SLC5A11: variants seen among roughly 807,000 people sequenced by gnomAD.
SLC5A11 encodes the protein sodium/myo-inositol cotransporter 2.
In SLC5A11, 48 loss-of-function variants were observed where a neutral mutation model predicts 69.8. That is an observed-to-expected ratio of 0.69 (90% CI 0.55 to 0.87). The LOEUF (loss-of-function observed/expected upper bound fraction) is 0.87. Among genes scored for constraint, SLC5A11 ranks in the 40% least tolerant of loss-of-function variants. The probability of loss-of-function intolerance (pLI) is 0.00; values close to 1 mark genes in which losing one functional copy is unlikely to be tolerated. For missense variants in SLC5A11, 784 were observed against 866.1 expected (o/e 0.91, Z 1.19); for synonymous variants, 319 against 342.4 (o/e 0.93, Z 0.75).
rs777418349 is a variant in SLC5A11 at position 24,906,780 on chromosome 16, T to A, written c.1114+16T>A. 1.9e-6 allele frequency: 3 copies of A among 1,599,136 alleles called. No homozygotes were observed. The highest frequency in any genetic ancestry group is 1.7e-6 in the Non-Finnish European group (2 of 1,169,790). On this transcript the variant is annotated intron_variant, in intron 11 of 15. Coordinates refer to ENST00000347898, the Ensembl canonical transcript of SLC5A11. ...CTGCCCACAGGTAATGTCCCTTCAC[T>A]CCTGAATCAAGTCCCCTGGAGCACC...
rs1358280636 is a variant in SLC5A11, at chr16:24,873,238, AGAGG to A, written c.372+1028_372+1031del. ...GGAAGAGAGAAAGGAAGGAATGGAG[AGAGG>A]GAGGGAGGAAGGAAGGAAGGAAGGA... On this transcript the variant is annotated intron_variant, in intron 5 of 15. Coordinates refer to ENST00000347898, the Ensembl canonical transcript of SLC5A11. 5.2e-4 allele frequency among the ~76,000 whole-genome samples: 54 copies of A among 103,832 alleles called. 1 individual carries two copies. Among genetic ancestry groups the A allele is most frequent in the African/African-American group, 1.6e-3 (43 of 26,480 alleles). 68.1% of individuals were successfully genotyped at this position (103,832 alleles called of 152,430 possible).
intron 1 of SLC5A11, among the ~76,000 whole-genome samples, chr16:24,846,944 TCTAA>T (rs1027355032): frequency 1.3e-5 from 2 of 152,184 alleles, no homozygotes; most frequent in African/African-American, 4.8e-5. Context: ...CTGGATCTCA[TCTAA>T]CTGACACAGA....
intron 3 of SLC5A11, among the ~76,000 whole-genome samples, chr16:24,864,916 C>T (rs1035677852): frequency 6.7e-6 from 1 of 150,048 alleles, no homozygotes; most frequent in African/African-American, 2.5e-5. Flanking sequence ...AAAAATGAAT[C>T]TGTGAAATTG....
At chr16:24,863,016 GT>G (rs1294346943) in intron 3 of SLC5A11, among the ~76,000 whole-genome samples, 2 of 126,204 alleles carry the variant, frequency 1.6e-5, no homozygotes, top group African/African-American at 5.9e-5. Context: ...GTAATATATA[GT>G]TATATAATAT....
intron 3 of SLC5A11, among the ~76,000 whole-genome samples, chr16:24,863,047 AAT>A (rs145598865): frequency 0.14 from 20,140 of 141,768 alleles, 1,933 homozygotes; most frequent in Non-Finnish European, 0.21. Context: ...ATATTTATGT[AAT>A]ATATAGTTAT....
At chr16:24,906,873 GA>G (rs1459805282) in intron 11 of SLC5A11, 109 bp downstream of exon 12, 11 of 1,384,696 alleles carry the variant, frequency 7.9e-6, no homozygotes, top group Non-Finnish European at 1.1e-5. Context: ...GGTGGGGGAG[GA>G]AGACTCTGGG....
chr16:24,884,312 G>T (rs2048250353), intron 8 of SLC5A11, among the ~76,000 whole-genome samples, 181 bp downstream of exon 9: 1 of 152,060 alleles, frequency 6.6e-6, no homozygotes, highest in East Asian at 1.9e-4. Flanking sequence ...TGTGCTTATT[G>T]TGGAAACTTA....
chr16:24,876,991 G>T (rs2047716888), intron 6 of SLC5A11: 2 of 991,024 alleles, frequency 2.0e-6, no homozygotes, highest in Middle Eastern at 3.8e-4. Context: ...TTTAATGAAG[G>T]TTGCAGTGTG....
At chr16:24,911,232 T>C in intron 15 of SLC5A11, 96 bp from the exon 17 acceptor site, 1 of 999,326 alleles carries the variant, frequency 1.0e-6, no homozygotes, top group South Asian at 1.3e-5. Context: ...ACGCCTGTAA[T>C]CCCAGCACTT....
At position 24,870,555 on chromosome 16, in the gene SLC5A11, G is replaced by A. The variant is rs187443341; in HGVS notation, c.312+550G>A. ...AGCACTTTGGGAGGCCAAGGTGGGC[G>A]GATCTTTTGAGGTCAGGAGTTTGAG... is the stretch of plus-strand genomic sequence containing the variant. On this transcript the variant is annotated intron_variant, in intron 4 of 15. Coordinates refer to ENST00000347898, the Ensembl canonical transcript of SLC5A11. 4.4e-3 allele frequency among the ~76,000 whole-genome samples: 662 copies of A among 151,698 alleles called. 1 individual carries two copies. The highest frequency in any genetic ancestry group is 0.015 in the African/African-American group (641 of 41,364).
chr16:24,910,672 C>T (rs973272159), intron 15 of SLC5A11, among the ~76,000 whole-genome samples, 195 bp downstream of exon 16: 3 of 152,068 alleles, frequency 2.0e-5, no homozygotes, highest in African/African-American at 7.2e-5. Context: ...CAACAAGCTT[C>T]CTACGGGCAC....
intron 10 of SLC5A11, among the ~76,000 whole-genome samples, chr16:24,902,911 T>G (rs2049750210): frequency 6.6e-6 from 1 of 152,206 alleles, no homozygotes; most frequent in Admixed American, 6.6e-5. Context: ...CAGATGAGTC[T>G]CATACTCATG....
At chr16:24,904,319 G>T (rs2049858280) in intron 10 of SLC5A11, among the ~76,000 whole-genome samples, 1 of 152,226 alleles carries the variant, frequency 6.6e-6, no homozygotes, top group South Asian at 2.1e-4. Context: ...GTTTTTTGAG[G>T]AACCTCCATA....
intron 5 of SLC5A11, 102 bp downstream of exon 6, chr16:24,872,321 G>T (rs1231042269): frequency 7.3e-7 from 1 of 1,378,486 alleles, no homozygotes; most frequent in African/African-American, 1.4e-5. Flanking sequence ...TCCTGCCCAT[G>T]GTCATGTATT....
At chr16:24,909,643 CAAAAAAAAAAAAAA>C (rs35334841) in intron 14 of SLC5A11, among the ~76,000 whole-genome samples, 1 of 48,906 alleles carries the variant, frequency 2.0e-5, no homozygotes, top group Non-Finnish European at 3.5e-5. Context: ...CCCTGTCTCA[CAAAAAAAAAAAAAA>C]AAAAAAAAAG....
intron 3 of SLC5A11, among the ~76,000 whole-genome samples, chr16:24,868,396 C>T (rs2047049848): frequency 6.6e-6 from 1 of 150,572 alleles, no homozygotes; most frequent in African/African-American, 2.4e-5. Flanking sequence ...CCAGACCATC[C>T]TGGCGAACAC....
At chr16:24,886,322 C>A (rs1030386870) in intron 8 of SLC5A11, among the ~76,000 whole-genome samples, 10 of 152,028 alleles carry the variant, frequency 6.6e-5, no homozygotes, top group Non-Finnish European at 1.5e-4. Context: ...CATGAGCCAC[C>A]ACGCCCGGCT....
At chr16:24,848,417 T>A (rs2059122896) in intron 1 of SLC5A11, among the ~76,000 whole-genome samples, 1 of 152,150 alleles carries the variant, frequency 6.6e-6, no homozygotes, top group Non-Finnish European at 1.5e-5. Context: ...GAGACCCGTC[T>A]GGGCAACATA....
chr16:24,872,507 G>A (rs1277035820), intron 5 of SLC5A11, among the ~76,000 whole-genome samples: 1 of 152,088 alleles, frequency 6.6e-6, no homozygotes, highest in Non-Finnish European at 1.5e-5. Flanking sequence ...CAAATGTAAA[G>A]CTCACAATCT....
Sources: gnomAD v4.1 joint callset for allele counts (sites outside exome capture counted in the v4.1 genomes callset) on GRCh38, gnomAD v4.1.1 for gene constraint, MANE v1.5 for transcripts, NCBI Gene and HGNC (gene_info 2026-07-23, HGNC 2026-07-21) for gene names.